TAFA2: variants seen among roughly 807,000 people sequenced by gnomAD.
TAFA2 encodes chemokine-like protein TAFA-2.
A neutral mutation model predicts 18.8 loss-of-function variants in TAFA2; 7 were observed. That is an observed-to-expected ratio of 0.37 (90% CI 0.21 to 0.70). The LOEUF (loss-of-function observed/expected upper bound fraction) is 0.70. Among genes scored for constraint, TAFA2 ranks in the 30% least tolerant of loss-of-function variants. The pLI, the probability that TAFA2 is intolerant of heterozygous loss-of-function variation, is 0.53. For missense variants in TAFA2, 122 were observed against 158.1 expected (o/e 0.77, Z 1.23); for synonymous variants, 60 against 54.2 (o/e 1.11, Z -0.47).
Position 62,017,260 on chromosome 12 carries a change from T to C in TAFA2, c.-1-149834A>G, listed in dbSNP as rs376939908. ...AAAAATAGCTTAAGATACTGTAGAC[T>C]CTCAGTGAATGAATACTGATACCAC... On this transcript the variant is annotated intron_variant, in intron 1 of 4. Transcript: ENST00000416284. Among the ~76,000 whole-genome samples, 8 of 152,140 alleles carry C rather than the reference T, an allele frequency of 5.3e-5. No individual in the cohort carries two copies. In the East Asian group the frequency reaches 5.8e-4, roughly 11 times the overall value.
chr12:62,136,382 T>C (rs1244336802), intron 1 of TAFA2, among the ~76,000 whole-genome samples: 1 of 152,168 alleles, frequency 6.6e-6, no homozygotes, highest in Non-Finnish European at 1.5e-5. Context: ...ATGATTCTTC[T>C]GTCAACCCTA....
chr12:62,159,041 C>CA (rs925147625), intron 1 of TAFA2, among the ~76,000 whole-genome samples: 3 of 151,980 alleles, frequency 2.0e-5, no homozygotes, highest in African/African-American at 7.3e-5. Context: ...TATAGAGTTC[C>CA]AAAAAAATCA....
At chr12:62,229,345 T>C (rs1235221662) in intron 1 of TAFA2, among the ~76,000 whole-genome samples, 1 of 152,166 alleles carries the variant, frequency 6.6e-6, no homozygotes, top group Non-Finnish European at 1.5e-5. Flanking sequence ...TAATGCTAGC[T>C]GTTGGTTTGT....
chr12:62,108,260 A>C (rs1869554033), intron 1 of TAFA2, among the ~76,000 whole-genome samples: 1 of 151,546 alleles, frequency 6.6e-6, no homozygotes, highest in Admixed American at 6.6e-5. Context: ...TTCCTGTGCT[A>C]GTTTGCTGAG....
intron 1 of TAFA2, among the ~76,000 whole-genome samples, chr12:61,997,167 A>ATATGTGTGTGTGTGTGTG: frequency 6.9e-6 from 1 of 145,642 alleles, no homozygotes; most frequent in African/African-American, 2.5e-5. Context: ...ATATGTATAT[A>ATATGTGTGTGTGTGTGTG]TGTGTGTGTG....
chr12:61,721,061 C>T (rs887933271), intron 4 of TAFA2: 4 of 416,490 alleles, frequency 9.6e-6, no homozygotes, highest in Non-Finnish European at 1.9e-5. Flanking sequence ...AAAAAGCTCA[C>T]AGTGGGGATA....
chr12:61,851,806 A>AAAAAAAAAAAAAC, intron 2 of TAFA2, among the ~76,000 whole-genome samples: 1 of 144,058 alleles, frequency 6.9e-6, no homozygotes, highest in Non-Finnish European at 1.5e-5. Context: ...AAAAAAAAAA[A>AAAAAAAAAAAAAC]AAAAAAAAAA....
chr12:62,009,695 A>T (rs1378486372), intron 1 of TAFA2, among the ~76,000 whole-genome samples: 1 of 152,248 alleles, frequency 6.6e-6, no homozygotes, highest in African/African-American at 2.4e-5. Flanking sequence ...TACTCACAGA[A>T]AGTAATCAGA....
At chr12:61,732,378 A>T (rs1056715523) in intron 4 of TAFA2, among the ~76,000 whole-genome samples, 43 of 152,146 alleles carry the variant, frequency 2.8e-4, no homozygotes, top group African/African-American at 9.9e-4. Flanking sequence ...TTATTCAATG[A>T]ATCTTACTGT....
chr12:62,119,834 G>A (rs1330951942), intron 1 of TAFA2, among the ~76,000 whole-genome samples: 1 of 152,092 alleles, frequency 6.6e-6, no homozygotes, highest in East Asian at 1.9e-4. Context: ...AGCATTTTGG[G>A]AGGCCGAGAC....
At chr12:61,875,198 G>A (rs946245679) in intron 1 of TAFA2, among the ~76,000 whole-genome samples, 6 of 152,040 alleles carry the variant, frequency 3.9e-5, no homozygotes, top group Admixed American at 6.5e-5. Flanking sequence ...TCATTCTCAC[G>A]TGCCCTGTTG....
At chr12:62,117,426 G>A (rs1321534340) in intron 1 of TAFA2, among the ~76,000 whole-genome samples, 2 of 152,016 alleles carry the variant, frequency 1.3e-5, no homozygotes, top group Non-Finnish European at 2.9e-5. Context: ...GTGCATTTTA[G>A]GAACTATGTT....
chr12:61,813,995 G>C (rs1186876759), intron 2 of TAFA2, among the ~76,000 whole-genome samples: 1 of 151,428 alleles, frequency 6.6e-6, no homozygotes, highest in Non-Finnish European at 1.5e-5. Context: ...CATCAATATA[G>C]TAACAGTTGA....
At chr12:61,892,571 TC>T (rs1290410562) in intron 1 of TAFA2, among the ~76,000 whole-genome samples, 1 of 152,218 alleles carries the variant, frequency 6.6e-6, no homozygotes, top group Non-Finnish European at 1.5e-5. Context: ...GCATGGTGGC[TC>T]ATGCCTATAA....
chr12:62,021,988 G>A (rs1019688116), intron 1 of TAFA2: 20 of 677,648 alleles, frequency 3.0e-5, no homozygotes, highest in Admixed American at 2.1e-4. Context: ...GTAACGCAGA[G>A]ACTCTGCCTG....
chr12:62,199,637 T>C lies in TAFA2; in HGVS notation c.-130+59126A>G, dbSNP rs1405995181. On this transcript the variant is annotated intron_variant, in intron 1 of 5. Coordinates refer to the TAFA2 transcript ENST00000551619. ...ATGTGTATATATATATAAAACATTG[T>C]CTTTATCGAGTCTATCACTAGTGGG... Among the ~76,000 whole-genome samples the C allele has an allele frequency of 3.3e-5, 5 of 152,134 alleles. No homozygotes were observed. The East Asian group carries it at 9.6e-4, about 29-fold the overall frequency.
intron 1 of TAFA2, among the ~76,000 whole-genome samples, chr12:62,230,229 A>G (rs1000337975): frequency 6.8e-6 from 1 of 147,344 alleles, no homozygotes; most frequent in Non-Finnish European, 1.5e-5. Context: ...GATCTTTGTT[A>G]TTTCTTTCAT....
chr12:61,783,700 T>C (rs1204642442), intron 2 of TAFA2, among the ~76,000 whole-genome samples: 3 of 151,566 alleles, frequency 2.0e-5, no homozygotes, highest in Non-Finnish European at 4.4e-5. Flanking sequence ...AATGGGTAGT[T>C]AGTATTTAAA....
chr12:62,147,322 GTATGTATATATATATATA>G lies in TAFA2; in HGVS notation c.-2+43919_-2+43936del, dbSNP rs1411819770. 4.7e-4 allele frequency among the ~76,000 whole-genome samples: 23 copies of G among 49,384 alleles called. 1 individual carries two copies. The highest frequency in any genetic ancestry group is 1.2e-3 in the African/African-American group (16 of 13,050). 32.4% of individuals were successfully genotyped at this position (49,384 alleles called of 152,430 possible). On this transcript the variant is annotated intron_variant, in intron 1 of 4. Transcript: ENST00000416284. ...TGTATGCATGTGTGTGTGTGTGTATGTATGTATATATATATATATATATATATATATATATATATATAT... is the reference window on the plus strand; with the variant it reads ...TGTATGCATGTGTGTGTGTGTGTATGTATATATATATATATATATATATAT...
Sources: allele counts gnomAD v4.1 joint callset (sites outside exome capture counted in the v4.1 genomes callset), GRCh38; gene constraint gnomAD v4.1.1; transcripts MANE v1.5; gene names NCBI Gene and HGNC (gene_info 2026-07-23, HGNC 2026-07-21).